Variants in HERC4 observed in about 807,000 individuals in gnomAD.
HERC4 encodes the protein HECT and RLD domain containing E3 ubiquitin protein ligase 4.
Under a neutral mutation model 124.3 loss-of-function variants are expected in HERC4, and 28 were observed. The observed-to-expected ratio is 0.23, with a 90% CI of 0.17 to 0.31. The LOEUF (loss-of-function observed/expected upper bound fraction) is 0.31. HERC4 is among the 10% of genes least tolerant of loss of function. HERC4 has a pLI of 1.00. For missense variants in HERC4, 713 were observed against 1,229.3 expected (o/e 0.58, Z 6.28); for synonymous variants, 407 against 421.5 (o/e 0.97, Z 0.42).
intron 7 of HERC4, among the ~76,000 whole-genome samples, chr10:68,032,255 A>G (rs1011086314): frequency 2.0e-5 from 3 of 152,220 alleles, no homozygotes; most frequent in African/African-American, 7.2e-5. Context: ...CTCAATTGGC[A>G]CATACCCAAG....
intron 15 of HERC4, among the ~76,000 whole-genome samples, chr10:67,969,757 C>G (rs998991530): frequency 2.0e-5 from 3 of 152,062 alleles, no homozygotes; most frequent in Non-Finnish European, 4.4e-5. Flanking sequence ...GGAGCAGAAA[C>G]TGCCACACAA....
chr10:67,988,715 ATTC>A lies in HERC4; in HGVS notation c.1751_1753del (p.Arg584del), dbSNP rs1589257377. Reference sequence around the variant, plus strand: ...TGCAGTATGAAGAAAACTGTTGAAAATTCTTCTTTCAGAAGGGGGAATACCGAT... The same window carrying A: ...TGCAGTATGAAGAAAACTGTTGAAAATTCTTTCAGAAGGGGGAATACCGAT... On this transcript the variant is annotated inframe_deletion, in exon 15 of 25. Coordinates refer to ENST00000373700, the MANE Select transcript of HERC4 (RefSeq NM_015601.4). 1 of 1,598,908 alleles carries A rather than the reference ATTC, an allele frequency of 6.3e-7. No homozygotes were observed. Among genetic ancestry groups the A allele is most frequent in the Non-Finnish European group, 8.5e-7 (1 of 1,174,058 alleles).
chr10:67,941,637 A>G (rs917453723), intron 19 of HERC4, among the ~76,000 whole-genome samples: 1 of 130,108 alleles, frequency 7.7e-6, no homozygotes, highest in Non-Finnish European at 1.7e-5. Context: ...TTACATGAGT[A>G]TTATGTCACT....
At chr10:67,963,405 C>T (rs188484253) in intron 16 of HERC4, among the ~76,000 whole-genome samples, 15 of 152,160 alleles carry the variant, frequency 9.9e-5, no homozygotes, top group African/African-American at 1.9e-4. Context: ...TTAGTAGAGA[C>T]GGGGTTTCGC....
At chr10:68,020,837 T>C (rs904657234) in intron 8 of HERC4, among the ~76,000 whole-genome samples, 2 of 150,902 alleles carry the variant, frequency 1.3e-5, no homozygotes, top group African/African-American at 2.4e-5. Flanking sequence ...CTAGAGAGAT[T>C]TGAAGGCAGA....
intron 20 of HERC4, 73 bp from the exon 21 acceptor site, chr10:67,939,727 T>C: frequency 4.7e-6 from 3 of 633,444 alleles, no homozygotes; most frequent in Non-Finnish European, 7.9e-6. Context: ...TATGGATATA[T>C]ATATATATAT....
chr10:67,932,288 G>T (rs925106857), intron 23 of HERC4, among the ~76,000 whole-genome samples: 2 of 152,084 alleles, frequency 1.3e-5, no homozygotes, highest in Non-Finnish European at 2.9e-5. Context: ...GTCTTGCTGT[G>T]CTCCCCAGGC....
rs553438438 is a variant in HERC4 at position 67,953,478 on chromosome 10, A to G, written c.2337+1117T>C. ...TGGAACATTCTGTCATAGTAAGTAC[A>G]CAAGGTAGCAAGGAAGGTACCAAAA... is the stretch of plus-strand genomic sequence containing the variant. On this transcript the variant is annotated intron_variant, in intron 19 of 24. Transcript: ENST00000373700. Among the ~76,000 whole-genome samples the G allele has an allele frequency of 2.6e-3, 391 of 152,330 alleles. 1 individual carries two copies. Among genetic ancestry groups the G allele is most frequent in the African/African-American group, 9.1e-3 (378 of 41,574 alleles).
intron 11 of HERC4, 78 bp downstream of exon 11, chr10:67,992,121 T>C: frequency 7.1e-7 from 1 of 1,408,914 alleles, no homozygotes; most frequent in South Asian, 1.2e-5. Flanking sequence ...GGTCTCCAAT[T>C]CCTGGGCTCA....
chr10:67,983,888 G>A (rs549556215), intron 15 of HERC4, among the ~76,000 whole-genome samples: 15 of 151,642 alleles, frequency 9.9e-5, no homozygotes, highest in African/African-American at 3.4e-4. Flanking sequence ...GCTTGAACCC[G>A]GGAGACGGAG....
intron 4 of HERC4, among the ~76,000 whole-genome samples, chr10:68,041,252 C>T (rs2039752778): frequency 3.3e-5 from 5 of 152,030 alleles, no homozygotes; most frequent in Admixed American, 3.3e-4. Context: ...TCCAGTTAAG[C>T]CACAACTTTC....
intron 3 of HERC4, among the ~76,000 whole-genome samples, chr10:68,053,165 G>T (rs1185598599): frequency 6.6e-6 from 1 of 152,068 alleles, no homozygotes; most frequent in African/African-American, 2.4e-5. Context: ...AGCAAATATT[G>T]AATCATTGCC....
chr10:68,051,690 TC>T (rs1444238320), intron 3 of HERC4, among the ~76,000 whole-genome samples: 22 of 146,808 alleles, frequency 1.5e-4, no homozygotes, highest in African/African-American at 5.3e-4. Context: ...ACTTTTCTTT[TC>T]TTTTTTTTTT....
intron 24 of HERC4, among the ~76,000 whole-genome samples, chr10:67,923,709 G>A (rs949980261): frequency 6.6e-6 from 1 of 151,936 alleles, no homozygotes; most frequent in African/African-American, 2.4e-5. Context: ...CAGTCACCAA[G>A]CCCAGGGCTA....
At chr10:67,926,965 C>A (rs1167759363) in intron 23 of HERC4, among the ~76,000 whole-genome samples, 4 of 152,188 alleles carry the variant, frequency 2.6e-5, no homozygotes, top group African/African-American at 9.7e-5. Context: ...TTCAGCTGTA[C>A]ATTATCCGGC....
At chr10:67,927,768 C>T (rs1387991558) in intron 23 of HERC4, among the ~76,000 whole-genome samples, 1 of 152,032 alleles carries the variant, frequency 6.6e-6, no homozygotes, top group Admixed American at 6.6e-5. Context: ...ACTGAATGAA[C>T]ACTTAAATCA....
chr10:67,928,662 C>G (rs1471824160), intron 23 of HERC4, among the ~76,000 whole-genome samples: 1 of 152,120 alleles, frequency 6.6e-6, no homozygotes, highest in Non-Finnish European at 1.5e-5. Flanking sequence ...GTGGCTCACA[C>G]CTGTAATCCC....
chr10:67,928,175 G>A lies in HERC4; in HGVS notation c.2839-2988C>T, dbSNP rs192764023. Among the ~76,000 whole-genome samples, 35 of 152,242 alleles carry A rather than the reference G, an allele frequency of 2.3e-4. 1 individual carries two copies. Among genetic ancestry groups the A allele is most frequent in the African/African-American group, 8.2e-4 (34 of 41,550 alleles). On this transcript the variant is annotated intron_variant, in intron 23 of 24. Transcript: ENST00000373700. ...CTCAGCAGAGGTTAATAAGGCTGAG[G>A]CAGAGTGAGAGGAACAATGACAGGA...
chr10:67,986,811 G>C (rs1316837449), intron 15 of HERC4, among the ~76,000 whole-genome samples: 2 of 152,070 alleles, frequency 1.3e-5, no homozygotes, highest in Non-Finnish European at 2.9e-5. Context: ...TTAGAAATAT[G>C]ATCTTTTTGA....
Sources: gnomAD v4.1 joint callset for allele counts (sites outside exome capture counted in the v4.1 genomes callset) on GRCh38, gnomAD v4.1.1 for gene constraint, MANE v1.5 for transcripts, NCBI Gene and HGNC (gene_info 2026-07-23, HGNC 2026-07-21) for gene names.